The following IGSF8 variants were observed in gnomAD, a reference collection of about 807,000 sequenced individuals.
IGSF8 encodes the protein CD81 partner 3.
Under a neutral mutation model 55.5 loss-of-function variants are expected in IGSF8, and 46 were observed. That is an observed-to-expected ratio of 0.83 (90% CI 0.65 to 1.06). IGSF8 has a LOEUF of 1.06. IGSF8 is among the 50% of genes least tolerant of loss of function. The pLI is 0.00. For missense variants in IGSF8, 731 were observed against 832.3 expected, an observed-to-expected ratio of 0.88 and a Z score of 1.50; for synonymous variants, 314 against 356.1, an observed-to-expected ratio of 0.88 and a Z score of 1.33.
At chr1:160,097,194 C>G (rs1159760659) in intron 1 of IGSF8, among the ~76,000 whole-genome samples, 2 of 152,222 alleles carry the variant, frequency 1.3e-5, no homozygotes, top group African/African-American at 4.8e-5. Context: ...GGTGCTCAGA[C>G]CTCTGCGTGC....
rs1286030662 is a variant in IGSF8 at position 160,093,969 on chromosome 1, A to T, written c.645T>A (p.Thr215=). ...SVPEAPVGRS[T]LQEVVGIRSD... is the part of the protein sequence containing the mutation. Reference sequence around the variant, plus strand: ...ACCGGATTCCCACCACTTCCTGCAGAGTTGACCGCCCAACTGGTGCCTCGG... The same window carrying T: ...ACCGGATTCCCACCACTTCCTGCAGTGTTGACCGCCCAACTGGTGCCTCGG... The change falls in exon 3 of 7, where the codon ACT becomes ACA. Residue 215 remains threonine (T), a synonymous_variant. Coordinates refer to ENST00000314485, the MANE Select transcript of IGSF8 (RefSeq NM_052868.6). 2 of 1,614,240 alleles carry T rather than the reference A, an allele frequency of 1.2e-6. No individual in the cohort carries two copies. The highest frequency in any genetic ancestry group is 1.1e-5 in the South Asian group (1 of 91,086).
intron 1 of IGSF8, among the ~76,000 whole-genome samples, chr1:160,097,497 G>A (rs769105714): frequency 5.3e-5 from 8 of 152,130 alleles, no homozygotes; most frequent in Non-Finnish European, 8.8e-5. Flanking sequence ...CAGCAGCTCT[G>A]AAGTCACCAT....
At chr1:160,096,765 C>T (rs926565425) in intron 1 of IGSF8, among the ~76,000 whole-genome samples, 5 of 152,200 alleles carry the variant, frequency 3.3e-5, no homozygotes, top group African/African-American at 1.2e-4. Context: ...TGGAGGAGAA[C>T]TAAGAGCTCC....
chr1:160,093,976 C>A lies in IGSF8; in HGVS notation c.638G>T (p.Arg213Leu), dbSNP rs755637754. The change falls in exon 3 of 7, where the codon CGG (arginine) becomes CTG (leucine). Residue 213 changes from arginine (R) to leucine (L), a missense_variant. Physicochemically the swap from Arg to Leu is moderately radical, Grantham distance 102. Transcript: ENST00000314485. ...TCCCACCACTTCCTGCAGAGTTGACCGCCCAACTGGTGCCTCGGGCACAGA... is the reference window on the plus strand; with the variant it reads ...TCCCACCACTTCCTGCAGAGTTGACAGCCCAACTGGTGCCTCGGGCACAGA... ...GRSVPEAPVGRSTLQEVVGIR... is the reference protein window; with the variant it reads ...GRSVPEAPVGLSTLQEVVGIR... 2 of 1,614,136 alleles carry A rather than the reference C, an allele frequency of 1.2e-6. No homozygotes were observed. Among genetic ancestry groups the A allele is most frequent in the African/African-American group, 2.7e-5 (2 of 74,956 alleles).
chr1:160,097,131 A>G (rs1650486667), intron 1 of IGSF8, among the ~76,000 whole-genome samples: 1 of 152,212 alleles, frequency 6.6e-6, no homozygotes, highest in Non-Finnish European at 1.5e-5. Context: ...CTCTGGGGCA[A>G]GTTACTTCAT....
At position 160,098,509 on chromosome 1, in the gene IGSF8, G is replaced by A. The variant is rs1280385019; in HGVS notation, c.-37C>T. Reference sequence around the variant, plus strand: ...AGCTCTGGGGAGGCTCCGGGGGATGGCGCGGGTTCTGGGGGGCCGGAAGGG... The same window carrying A: ...AGCTCTGGGGAGGCTCCGGGGGATGACGCGGGTTCTGGGGGGCCGGAAGGG... On this transcript the variant is annotated 5_prime_UTR_variant, in exon 1 of 7. Coordinates refer to ENST00000314485, the MANE Select transcript of IGSF8 (RefSeq NM_052868.6). 4 of 1,497,026 alleles carry A rather than the reference G, an allele frequency of 2.7e-6. No individual in the cohort carries two copies. Among genetic ancestry groups the A allele is most frequent in the Non-Finnish European group, 3.6e-6 (4 of 1,119,518 alleles). 92.7% of individuals were successfully genotyped at this position (1,497,026 alleles called of 1,614,324 possible).
chr1:160,092,487 C>T lies in IGSF8; in HGVS notation c.1521G>A (p.Glu507=), dbSNP rs376644401. 1.3e-5 allele frequency: 21 copies of T among 1,613,302 alleles called. No individual in the cohort carries two copies. The highest frequency in any genetic ancestry group is 1.7e-5 in the Non-Finnish European group (20 of 1,179,690). The change falls in exon 5 of 7, where the codon GAG becomes GAA. Residue 507 remains glutamate (E), a synonymous_variant. Coordinates refer to ENST00000314485, the MANE Select transcript of IGSF8 (RefSeq NM_052868.6). ...GGCCTCCTCCAGGCCGGACTCCCAG[C>T]TCTGCCACACCATCCTGGCCTACGC... ...VGGVGQDGVA[E]LGVRPGGGPV... is the part of the protein sequence containing the mutation.
At chr1:160,092,059 C>A in intron 5 of IGSF8, 121 bp from the exon 6 acceptor site, 1 of 823,720 alleles carries the variant, frequency 1.2e-6, no homozygotes, top group Non-Finnish European at 2.0e-6. Context: ...ACACCCCCAT[C>A]CCTGCCCACA....
At chr1:160,099,175 A>G (rs1650675076), upstream of IGSF8, among the ~76,000 whole-genome samples, 1 of 151,636 alleles carries the variant, frequency 6.6e-6, no homozygotes, top group African/African-American at 2.4e-5. Flanking sequence ...GCGCATCGAA[A>G]TTCCCACCCA....
rs1156372647 is a variant in IGSF8 at position 160,091,429 on chromosome 1, G to A, written c.*195C>T. 4.4e-6 allele frequency: 1 copy of A among 226,934 alleles called. No homozygotes were observed. Among genetic ancestry groups the A allele is most frequent in the African/African-American group, 2.3e-5 (1 of 43,742 alleles). The allele number at this position is 226,934 out of a possible 1,614,324, so 14.1% of individuals were successfully genotyped here. A position where few individuals can be genotyped will look rare whatever the true frequency, so the allele number is the denominator to read the frequency against. On this transcript the variant is annotated 3_prime_UTR_variant, in exon 7 of 7. Transcript: ENST00000314485. ...CCCTATAGGATCCCTAAGAGATCAAGAACAGAAGGCCAGAGGGAGGGGCTT... is the reference window on the plus strand; with the variant it reads ...CCCTATAGGATCCCTAAGAGATCAAAAACAGAAGGCCAGAGGGAGGGGCTT...
At position 160,092,063 on chromosome 1, in the gene IGSF8, G is replaced by A. The variant is rs72704745; in HGVS notation, c.1727-125C>T. The A allele has an allele frequency of 0.089, 71,843 of 810,358 alleles. 3,730 individuals are homozygous for A. Among genetic ancestry groups the A allele is most frequent in the East Asian group, 0.15 (5,820 of 37,850 alleles). 50.2% of individuals were successfully genotyped at this position (810,358 alleles called of 1,614,324 possible). ...TCCATTCACAGACACCCCCATCCCT[G>A]CCCACAGCCTGCCCCCTCAGCATGC... On this transcript the variant is annotated intron_variant, in intron 5 of 6. Transcript: ENST00000314485.
intron 1 of IGSF8, among the ~76,000 whole-genome samples, chr1:160,095,765 C>A (rs1194712111): frequency 1.3e-5 from 2 of 152,244 alleles, no homozygotes; most frequent in Non-Finnish European, 2.9e-5. Flanking sequence ...GTGACCCTAG[C>A]TGGAAAGGGC....
chr1:160,092,826 G>T, intron 4 of IGSF8, 98 bp downstream of exon 4: 1 of 1,486,600 alleles, frequency 6.7e-7, no homozygotes, highest in Non-Finnish European at 9.1e-7. Context: ...GTGAGGCTGT[G>T]GCCTGCAAAC....
chr1:160,092,510 C>T lies in IGSF8; in HGVS notation c.1498G>A (p.Val500Ile), dbSNP rs561389264. Reference sequence around the variant, plus strand: ...AGCTCTGCCACACCATCCTGGCCTACGCCACCCACCAGCTGGGCAGGGACA... The same window carrying T: ...AGCTCTGCCACACCATCCTGGCCTATGCCACCCACCAGCTGGGCAGGGACA... The part of the protein sequence containing the change: ...SSVPAQLVGG[V>I]GQDGVAELGV... Residue 500 changes from valine to isoleucine, a missense_variant, in exon 5 of 7, where the codon GTA (valine) becomes ATA (isoleucine). By Grantham distance (29) the Val-to-Ile change is conservative. Coordinates refer to ENST00000314485, the MANE Select transcript of IGSF8 (RefSeq NM_052868.6). The T allele has an allele frequency of 1.5e-4, 246 of 1,613,346 alleles. 1 individual carries two copies. The highest frequency in any genetic ancestry group is 5.5e-4 in the South Asian group (50 of 91,030).
chr1:160,093,891 C>T lies in IGSF8; in HGVS notation c.723G>A (p.Gly241=), dbSNP rs1650213327. The change falls in exon 3 of 7, where the codon GGG becomes GGA. Residue 241 remains glycine, a synonymous_variant. Transcript: ENST00000314485. The part of the protein sequence containing the change: ...GAPYAERLAA[G]ELRLGKEGTD... ...TCCCTTCCTTGCCCAGACGAAGCTC[C>T]CCTGCAGCCAATCGCTCAGCATAGG... is the stretch of plus-strand genomic sequence containing the variant. 1.9e-6 allele frequency: 3 copies of T among 1,614,124 alleles called. No individual in the cohort carries two copies. Among genetic ancestry groups the T allele is most frequent in the South Asian group, 2.2e-5 (2 of 91,094 alleles).
Position 160,093,999 on chromosome 1 carries a change from A to C in IGSF8, c.615T>G (p.Ser205=). The part of the protein sequence containing the change: ...HTHLAVSFGR[S]VPEAPVGRST... Reference sequence around the variant, plus strand: ...ACCGCCCAACTGGTGCCTCGGGCACAGATCGCCCAAAGGACACTGCCAGGT... The same window carrying C: ...ACCGCCCAACTGGTGCCTCGGGCACCGATCGCCCAAAGGACACTGCCAGGT... Residue 205 remains serine (S), a synonymous_variant, in exon 3 of 7, where the codon TCT becomes TCG. Transcript: ENST00000314485. 8 of 1,614,254 alleles carry C rather than the reference A, an allele frequency of 5.0e-6. No homozygotes were observed. Among genetic ancestry groups the C allele is most frequent in the Non-Finnish European group, 5.9e-6 (7 of 1,180,054 alleles).
In IGSF8 at chr1:160,093,278, C is replaced by A. The variant is rs746322082; in HGVS notation, c.958G>T (p.Glu320Ter). 6.2e-6 allele frequency: 10 copies of A among 1,608,412 alleles called. No individual in the cohort carries two copies. The highest frequency in any genetic ancestry group is 1.7e-5 in the Admixed American group (1 of 59,818). The change falls in exon 4 of 7, where the codon GAG becomes TAG. Residue 320 changes from glutamate (E) to a stop codon, truncating the protein, a stop_gained. Transcript: ENST00000314485. LOFTEE classifies it high-confidence loss of function. Reference sequence around the variant, plus strand: ...ACATTGCACAGCAGTTCCAAGGGCTCCCCTGGGCCGATCCGACGTTCACCA... The same window carrying A: ...ACATTGCACAGCAGTTCCAAGGGCTACCCTGGGCCGATCCGACGTTCACCA... The part of the protein sequence containing the change: ...GPGERRIGPG[E>*]PLELLCNVSG...
Position 160,098,613 on chromosome 1 carries a change from G to C in IGSF8, c.-141C>G. The C allele has an allele frequency of 1.7e-6, 1 of 579,322 alleles. No homozygotes were observed. Among genetic ancestry groups the C allele is most frequent in the Non-Finnish European group, 3.0e-6 (1 of 333,560 alleles). 35.9% of individuals were successfully genotyped at this position (579,322 alleles called of 1,614,324 possible). A position where few individuals can be genotyped will look rare whatever the true frequency, so the allele number is the denominator to read the frequency against. On this transcript the variant is annotated 5_prime_UTR_variant, in exon 1 of 7. Coordinates refer to ENST00000314485, the MANE Select transcript of IGSF8 (RefSeq NM_052868.6). The stretch of plus-strand genomic sequence containing the variant: ...GCGCCGAGCGAGCTGAACTGGAGCT[G>C]CCGAATCCCCTCCCTCCGCCCCTCC...
Position 160,092,377 on chromosome 1 carries a change from C to T in IGSF8, c.1631G>A (p.Cys544Tyr), listed in dbSNP as rs1246983131. The T allele has an allele frequency of 3.1e-6, 5 of 1,613,328 alleles. No homozygotes were observed. The highest frequency in any genetic ancestry group is 4.2e-6 in the Non-Finnish European group (5 of 1,179,360). ...ATGCTGCACCCAGGCGCTGGGGGCA[C>T]AGTGGTACACGCCTTCATCCTCGGG... ...LGPEDEGVYH[C>Y]APSAWVQHAD... Residue 544 changes from cysteine to tyrosine, a missense_variant, in exon 5 of 7, where the codon TGT becomes TAT. Transcript: ENST00000314485.
Sources: gnomAD v4.1 joint callset for allele counts (sites outside exome capture counted in the v4.1 genomes callset) on GRCh38, gnomAD v4.1.1 for gene constraint, MANE v1.5 for transcripts, NCBI Gene and HGNC (gene_info 2026-07-23, HGNC 2026-07-21) for gene names.